Variants in CLNS1A observed in about 807,000 individuals in gnomAD.
The protein encoded by CLNS1A is chloride nucleotide-sensitive channel 1A, also known as methylosome subunit pICln.
A neutral mutation model predicts 29.4 loss-of-function variants in CLNS1A; 16 were observed. The observed-to-expected ratio is 0.54, with a 90% confidence interval of 0.37 to 0.83. CLNS1A has a LOEUF of 0.83. Ranked by LOEUF, CLNS1A falls within the 40% of genes least tolerant of loss-of-function variation. The pLI is 0.00. For missense variants in CLNS1A, 235 were observed against 287.4 expected (o/e 0.82, Z 1.32); for synonymous variants, 96 against 104.8 (o/e 0.92, Z 0.51).
chr11:77,625,637 G>A, intron 3 of CLNS1A, 80 bp downstream of exon 3: 1 of 1,167,172 alleles, frequency 8.6e-7, no homozygotes, highest in South Asian at 1.5e-5. Flanking sequence ...AGAGGTGTGT[G>A]TGTGTGTGTA....
At position 77,631,360 on chromosome 11, in the gene CLNS1A, C is replaced by T. The variant is rs139461860; in HGVS notation, c.126-1461G>A. Among the ~76,000 whole-genome samples the T allele has an allele frequency of 8.8e-3, 1,313 of 149,924 alleles. 17 individuals carry two copies. The highest frequency in any genetic ancestry group is 0.029 in the African/African-American group (1,160 of 40,614). ...TTTTTTAGACAGAGTCTCGGTCTGT[C>T]GCCCAGGCTGGAGTGCAGTGGCGGA... On this transcript the variant is annotated intron_variant, in intron 1 of 6. Coordinates refer to ENST00000525428, the MANE Select transcript of CLNS1A (RefSeq NM_001293.3).
chr11:77,632,017 G>A (rs562859899), intron 1 of CLNS1A, among the ~76,000 whole-genome samples: 6 of 152,338 alleles, frequency 3.9e-5, no homozygotes, highest in African/African-American at 9.6e-5. Context: ...TATTACAGGC[G>A]TGAGCCACTG....
chr11:77,629,025 T>C (rs567519763), intron 2 of CLNS1A, among the ~76,000 whole-genome samples: 15 of 152,076 alleles, frequency 9.9e-5, no homozygotes, highest in Admixed American at 5.9e-4. Flanking sequence ...AATGGTGAGG[T>C]TGGTGGAGGC....
At chr11:77,619,499 G>A in intron 6 of CLNS1A, 107 bp downstream of exon 6, 2 of 750,542 alleles carry the variant, frequency 2.7e-6, no homozygotes, top group Non-Finnish European at 4.6e-6. Flanking sequence ...ACTCTAGCCT[G>A]GGTGACAGAG....
At chr11:77,628,948 A>C (rs1959047799) in intron 2 of CLNS1A, among the ~76,000 whole-genome samples, 2 of 152,176 alleles carry the variant, frequency 1.3e-5, no homozygotes, top group African/African-American at 4.8e-5. Context: ...CATCCTTGGC[A>C]TCTAACTGCT....
At chr11:77,625,601 G>A in intron 3 of CLNS1A, 116 bp downstream of exon 3, 1 of 817,752 alleles carries the variant, frequency 1.2e-6, no homozygotes, top group African/African-American at 1.7e-5. Flanking sequence ...AAAAGCAATA[G>A]AATGGAGGTA....
At chr11:77,619,732 AAC>A (rs767793241) in intron 5 of CLNS1A, 37 bp from the exon 6 acceptor site, 8 of 1,372,326 alleles carry the variant, frequency 5.8e-6, no homozygotes, top group Non-Finnish European at 8.3e-6. Flanking sequence ...AATCCCTATG[AAC>A]ACTTCAGACA....
chr11:77,619,764 T>C (rs1461168934), intron 5 of CLNS1A, 69 bp from the exon 6 acceptor site: 7 of 1,106,944 alleles, frequency 6.3e-6, no homozygotes, highest in Non-Finnish European at 8.3e-6. Context: ...AACTTATAAC[T>C]TCTACCAGAA....
At chr11:77,617,526 G>A (rs1958916991) in intron 6 of CLNS1A, among the ~76,000 whole-genome samples, 1 of 151,178 alleles carries the variant, frequency 6.6e-6, no homozygotes, top group South Asian at 2.1e-4. Flanking sequence ...AGGCAACAGA[G>A]CGAGACTCCC....
intron 2 of CLNS1A, among the ~76,000 whole-genome samples, chr11:77,628,899 GACC>G (rs1959047316): frequency 6.6e-6 from 1 of 152,124 alleles, no homozygotes; most frequent in African/African-American, 2.4e-5. Flanking sequence ...TGTTGTGGGG[GACC>G]ATCTGTGCAT....
intron 1 of CLNS1A, among the ~76,000 whole-genome samples, chr11:77,635,421 G>A (rs530570787): frequency 1.0e-4 from 15 of 149,408 alleles, no homozygotes; most frequent in South Asian, 2.1e-4. Context: ...GCATGATCTC[G>A]GCTTACTACA....
chr11:77,632,890 C>T (rs562216532), intron 1 of CLNS1A, among the ~76,000 whole-genome samples: 1 of 151,954 alleles, frequency 6.6e-6, no homozygotes, highest in South Asian at 2.1e-4. Flanking sequence ...GAGTTCCAGA[C>T]CAGACTACCA....
chr11:77,637,517 C>T, intron 1 of CLNS1A, 73 bp downstream of exon 1: 3 of 1,499,426 alleles, frequency 2.0e-6, no homozygotes. Context: ...TTGCCCGGCT[C>T]CTTCGCACCG....
At chr11:77,631,210 CT>C (rs1156655139) in intron 1 of CLNS1A, among the ~76,000 whole-genome samples, 1 of 152,154 alleles carries the variant, frequency 6.6e-6, no homozygotes, top group Non-Finnish European at 1.5e-5. Flanking sequence ...AAATCAATGT[CT>C]AACCACATGA....
intron 1 of CLNS1A, among the ~76,000 whole-genome samples, chr11:77,637,254 A>G (rs553337720): frequency 1.4e-5 from 2 of 147,240 alleles, no homozygotes; most frequent in South Asian, 4.2e-4. Context: ...AAAAAAAAAA[A>G]AAAAAGAAAA....
rs1307615614 is a variant in CLNS1A, at chr11:77,625,080, G to A, written c.365-10C>T. On this transcript the variant is annotated splice_polypyrimidine_tract_variant and intron_variant, in intron 3 of 6. Transcript: ENST00000525428. ...GTGAACATTGCCTCCACTGAACAAG[G>A]AAATTAAACTGTAACCAATCTTTTT... 1 of 1,575,890 alleles carries A rather than the reference G, an allele frequency of 6.3e-7. No individual in the cohort carries two copies. The highest frequency in any genetic ancestry group is 8.7e-7 in the Non-Finnish European group (1 of 1,151,644).
chr11:77,623,025 A>G (rs372605369), intron 4 of CLNS1A, among the ~76,000 whole-genome samples: 15 of 152,186 alleles, frequency 9.9e-5, no homozygotes, highest in African/African-American at 3.6e-4. Context: ...ACTTTTGAAC[A>G]TTTATTTATA....
At chr11:77,632,050 T>C (rs1257369721) in intron 1 of CLNS1A, among the ~76,000 whole-genome samples, 1 of 152,168 alleles carries the variant, frequency 6.6e-6, no homozygotes, top group Non-Finnish European at 1.5e-5. Flanking sequence ...AAGTGATAAA[T>C]CTTAAAGAGC....
chr11:77,619,536 TA>T, intron 6 of CLNS1A, 69 bp downstream of exon 6: 7 of 1,074,272 alleles, frequency 6.5e-6, no homozygotes, highest in Non-Finnish European at 8.6e-6. Flanking sequence ...GAAAGAATTT[TA>T]AAAAGTAGAA....
Sources: allele counts gnomAD v4.1 joint callset (sites outside exome capture counted in the v4.1 genomes callset), GRCh38; gene constraint gnomAD v4.1.1; transcripts MANE v1.5; gene names NCBI Gene and HGNC (gene_info 2026-07-23, HGNC 2026-07-21).